SRGAP3: variants seen among roughly 807,000 people sequenced by gnomAD.
SRGAP3 encodes SLIT-ROBO Rho GTPase-activating protein 3.
In SRGAP3, 39 loss-of-function variants were observed where a neutral mutation model predicts 121.1. That is an observed-to-expected ratio of 0.32 (90% CI 0.25 to 0.42). The LOEUF (loss-of-function observed/expected upper bound fraction) is 0.42. SRGAP3 is among the 10% of genes least tolerant of loss of function. The pLI is 1.00. For synonymous variants in SRGAP3, 601 were observed against 570.0 expected, an observed-to-expected ratio of 1.05 and a Z score of -0.77; for missense variants, 1,213 against 1,470.6, an observed-to-expected ratio of 0.82 and a Z score of 2.86.
intron 3 of SRGAP3, among the ~76,000 whole-genome samples, chr3:9,096,179 T>C (rs1286104143): frequency 1.3e-5 from 2 of 152,324 alleles, no homozygotes; most frequent in East Asian, 1.9e-4. Context: ...AAGAAGGCTT[T>C]AGAAAAAAAC....
intron 3 of SRGAP3, among the ~76,000 whole-genome samples, chr3:9,301,696 TA>T (rs1955058050): frequency 6.6e-6 from 1 of 152,210 alleles, no homozygotes; most frequent in Non-Finnish European, 1.5e-5. Flanking sequence ...TGAGTAGTAG[TA>T]AAAAGCTTCA....
At chr3:9,085,381 A>T (rs1205241920) in intron 3 of SRGAP3, among the ~76,000 whole-genome samples, 1 of 152,200 alleles carries the variant, frequency 6.6e-6, no homozygotes, top group African/African-American at 2.4e-5. Context: ...AATTAGTTCA[A>T]CCATTGTGGA....
intron 18 of SRGAP3, among the ~76,000 whole-genome samples, chr3:9,003,371 C>A (rs1487911503): frequency 1.3e-5 from 2 of 152,040 alleles, no homozygotes; most frequent in Non-Finnish European, 2.9e-5. Flanking sequence ...ATCAGTTACT[C>A]TGGAGGCTGA....
At position 9,105,390 on chromosome 3, in the gene SRGAP3, T is replaced by C. The variant is rs553279974; in HGVS notation, c.261-548A>G. 2.5e-4 allele frequency among the ~76,000 whole-genome samples: 38 copies of C among 152,262 alleles called. No individual in the cohort carries two copies. In the South Asian group the frequency reaches 5.0e-3, roughly 20 times the overall value. ...GGGAAAGGGGCTAGGAGGGCTCAGA[T>C]TCTGTGTTCAGGAGGAAGGGTTAAG... On this transcript the variant is annotated intron_variant, in intron 2 of 21. Coordinates refer to ENST00000383836, the MANE Select transcript of SRGAP3 (RefSeq NM_014850.4).
chr3:9,324,776 T>C (rs1955490784), intron 3 of SRGAP3, among the ~76,000 whole-genome samples: 1 of 151,606 alleles, frequency 6.6e-6, no homozygotes, highest in South Asian at 2.1e-4. Flanking sequence ...GCTAACACGG[T>C]GAAACTCCGT....
intron 1 of SRGAP3, among the ~76,000 whole-genome samples, chr3:9,161,436 T>C (rs1296433527): frequency 2.6e-5 from 4 of 152,208 alleles, no homozygotes; most frequent in African/African-American, 7.2e-5. Context: ...AAGACACGTG[T>C]CATCTCATTG....
At chr3:9,038,221 G>T in intron 10 of SRGAP3, 131 bp from the exon 11 acceptor site, 1 of 1,262,476 alleles carries the variant, frequency 7.9e-7, no homozygotes, top group Non-Finnish European at 1.1e-6. Context: ...TTATGCCTAA[G>T]GTGCGGTCTG....
intron 1 of SRGAP3, among the ~76,000 whole-genome samples, chr3:9,243,038 C>T (rs1953701746): frequency 6.6e-6 from 1 of 152,172 alleles, no homozygotes; most frequent in Non-Finnish European, 1.5e-5. Context: ...ACATGCCAAG[C>T]ACTTTGGAGA....
chr3:9,098,550 C>T (rs2124888570), intron 3 of SRGAP3, among the ~76,000 whole-genome samples: 1 of 152,318 alleles, frequency 6.6e-6, no homozygotes, highest in African/African-American at 2.4e-5. Context: ...CAGGTGTGAG[C>T]CACTGCACCT....
rs191360157 is a variant in SRGAP3, at chr3:9,181,760, G to A, written c.68-56843C>T. On this transcript the variant is annotated intron_variant, in intron 1 of 21. Coordinates refer to ENST00000383836, the MANE Select transcript of SRGAP3 (RefSeq NM_014850.4). Reference sequence around the variant, plus strand: ...AGGCCCACGTGATTAGATAGGGACCGCTAGATAATCCAGGATAATCTCCAT... The same window carrying A: ...AGGCCCACGTGATTAGATAGGGACCACTAGATAATCCAGGATAATCTCCAT... 9.8e-5 allele frequency among the ~76,000 whole-genome samples: 15 copies of A among 152,324 alleles called. 1 individual carries two copies. The highest frequency in any genetic ancestry group is 7.7e-4 in the East Asian group (4 of 5,186).
Position 9,080,083 on chromosome 3 carries a change from T to C in SRGAP3, c.428A>G (p.Lys143Arg). Residue 143 changes from lysine to arginine, a missense_variant, in exon 4 of 22, where the codon AAG (lysine) becomes AGG (arginine). Transcript: ENST00000383836. ...CTCGTGCATCTGCAGGCCAATCTCC[T>C]TGCTCTGGAATGTGGAAGAACAAAT... ...EDVIRLFKKSKEIGLQMHEEL... is the reference protein window; with the variant it reads ...EDVIRLFKKSREIGLQMHEEL... 1 of 1,613,626 alleles carries C rather than the reference T, an allele frequency of 6.2e-7. No homozygotes were observed. The highest frequency in any genetic ancestry group is 2.2e-5 in the East Asian group (1 of 44,888).
intron 1 of SRGAP3, among the ~76,000 whole-genome samples, chr3:9,202,785 A>G (rs896994318): frequency 1.3e-5 from 2 of 152,216 alleles, no homozygotes; most frequent in Non-Finnish European, 2.9e-5. Flanking sequence ...TCCATGCCCC[A>G]TGCCAGGAGG....
intron 1 of SRGAP3, among the ~76,000 whole-genome samples, chr3:9,194,610 G>A (rs1242629247): frequency 3.3e-5 from 5 of 152,196 alleles, no homozygotes; most frequent in Admixed American, 2.6e-4. Flanking sequence ...AAAGCCTCCT[G>A]AGAGGTCATC....
intron 18 of SRGAP3, among the ~76,000 whole-genome samples, chr3:9,009,716 G>A (rs756900929): frequency 6.6e-6 from 1 of 152,060 alleles, no homozygotes; most frequent in Non-Finnish European, 1.5e-5. Context: ...TCTGGAGAAA[G>A]GTCTTGACTG....
chr3:9,351,590 C>T (rs1264284081), intron 1 of SRGAP3, among the ~76,000 whole-genome samples: 1 of 152,150 alleles, frequency 6.6e-6, no homozygotes, highest in Admixed American at 6.5e-5. Context: ...TCATGTGCTG[C>T]GTAACAAAGT....
Position 8,990,848 on chromosome 3 carries a change from G to A in SRGAP3, c.2559-9C>T, listed in dbSNP as rs1345362234. On this transcript the variant is annotated splice_polypyrimidine_tract_variant and intron_variant, in intron 20 of 21. Coordinates refer to ENST00000383836, the MANE Select transcript of SRGAP3 (RefSeq NM_014850.4). Reference sequence around the variant, plus strand: ...CAGATCGTAACCGCACTCTGCAAAGGAGCCAGGGGGCGAGGGGCATGGGGC... The same window carrying A: ...CAGATCGTAACCGCACTCTGCAAAGAAGCCAGGGGGCGAGGGGCATGGGGC... 1 of 1,508,426 alleles carries A rather than the reference G, an allele frequency of 6.6e-7. No individual in the cohort carries two copies. Among genetic ancestry groups the A allele is most frequent in the Non-Finnish European group, 8.8e-7 (1 of 1,136,538 alleles). The allele number at this position is 1,508,426 out of a possible 1,614,324, so 93.4% of individuals were successfully genotyped here. A position where few individuals can be genotyped will look rare whatever the true frequency, so the allele number is the denominator to read the frequency against.
chr3:8,991,836 G>A (rs1397273234), intron 20 of SRGAP3, among the ~76,000 whole-genome samples: 1 of 152,180 alleles, frequency 6.6e-6, no homozygotes, highest in Non-Finnish European at 1.5e-5. Flanking sequence ...AGTGCTTGTG[G>A]GTGCCCCAGC....
intron 9 of SRGAP3, chr3:9,049,154 G>A (rs1945432547): frequency 1.3e-5 from 4 of 308,314 alleles, no homozygotes; most frequent in South Asian, 1.2e-4. Context: ...ATAGAGGAGG[G>A]CCTCTAACAT....
At chr3:9,068,073 C>T (rs1186184569) in intron 4 of SRGAP3, among the ~76,000 whole-genome samples, 2 of 152,212 alleles carry the variant, frequency 1.3e-5, no homozygotes, top group Non-Finnish European at 1.5e-5. Context: ...TTCTTTGCCT[C>T]ACCACCATAT....
Sources: gnomAD v4.1 joint callset for allele counts (sites outside exome capture counted in the v4.1 genomes callset) on GRCh38, gnomAD v4.1.1 for gene constraint, MANE v1.5 for transcripts, NCBI Gene and HGNC (gene_info 2026-07-23, HGNC 2026-07-21) for gene names.